ARHGEF28: variants seen among roughly 807,000 people sequenced by gnomAD.
ARHGEF28 encodes the protein 190 kDa guanine nucleotide exchange factor.
ARHGEF28 carries 152 observed loss-of-function variants against 206.6 expected under a neutral mutation model. That is an observed-to-expected ratio of 0.74 (90% CI 0.64 to 0.84). The LOEUF (loss-of-function observed/expected upper bound fraction) is 0.84. Ranked by LOEUF, ARHGEF28 falls within the 40% of genes least tolerant of loss-of-function variation. The pLI, the probability that ARHGEF28 is intolerant of heterozygous loss-of-function variation, is 0.00. For synonymous variants in ARHGEF28, 763 were observed against 776.4 expected (o/e 0.98, Z 0.29); for missense variants, 2,028 against 2,073.2 (o/e 0.98, Z 0.42).
At position 73,893,355 on chromosome 5, in the gene ARHGEF28, T is replaced by A. The variant is rs1761767330; in HGVS notation, c.3658+67T>A. 4.6e-6 allele frequency: 6 copies of A among 1,301,360 alleles called. No homozygotes were observed. The African/African-American group carries it at 6.0e-5, about 13-fold the overall frequency. 80.6% of individuals were successfully genotyped at this position (1,301,360 alleles called of 1,614,324 possible). A position where few individuals can be genotyped will look rare whatever the true frequency, so the allele number is the denominator to read the frequency against. ...CCTGGGTGTTGGGAAAGCCTGAGTG[T>A]CATGAACAGGAGGTTATAACTACAT... On this transcript the variant is annotated intron_variant, in intron 28 of 35. Coordinates refer to ENST00000513042, the MANE Select transcript of ARHGEF28 (RefSeq NM_001177693.2).
In ARHGEF28 at chr5:73,894,520, T is replaced by C; in HGVS notation, c.3786T>C (p.Pro1262=). The C allele has an allele frequency of 6.2e-7, 1 of 1,613,950 alleles. No individual in the cohort carries two copies. The highest frequency in any genetic ancestry group is 8.5e-7 in the Non-Finnish European group (1 of 1,179,872). The part of the protein sequence containing the change: ...VHLEPHLLIK[P]DPGEPPQAAS... ...TAGAGCCCCACCTCCTTATTAAACCTGACCCAGGCGAGCCTCCCCAGGCAG... is the reference window on the plus strand; with the variant it reads ...TAGAGCCCCACCTCCTTATTAAACCCGACCCAGGCGAGCCTCCCCAGGCAG... Residue 1262 remains proline (P), a synonymous_variant, in exon 29 of 36, where the codon CCT becomes CCC. Coordinates refer to ENST00000513042, the MANE Select transcript of ARHGEF28 (RefSeq NM_001177693.2).
intron 9 of ARHGEF28, among the ~76,000 whole-genome samples, chr5:73,831,875 G>T (rs1253826448): frequency 1.3e-5 from 2 of 152,294 alleles, no homozygotes; most frequent in African/African-American, 4.8e-5. Flanking sequence ...ATTTTTAGTA[G>T]AGATGGGGTT....
chr5:73,909,428 A>G lies in ARHGEF28; in HGVS notation c.4178A>G (p.Gln1393Arg), dbSNP rs746757513. The G allele has an allele frequency of 3.7e-6, 6 of 1,607,804 alleles. No individual in the cohort carries two copies. The East Asian group carries it at 8.9e-5, about 24-fold the overall frequency. Residue 1393 changes from glutamine (Q) to arginine (R), a missense_variant, in exon 34 of 36, where the codon CAG becomes CGG. Physicochemically the swap from Gln to Arg is conservative, Grantham distance 43. Transcript: ENST00000513042. ...CTCTGACAGGCCGCCTTGACCATTCAGGACAGCCACATTGAGATCCACAGG... is the reference window on the plus strand; with the variant it reads ...CTCTGACAGGCCGCCTTGACCATTCGGGACAGCCACATTGAGATCCACAGG... ...LYSLQAALTI[Q>R]DSHIEIHRLV...
intron 2 of ARHGEF28, among the ~76,000 whole-genome samples, chr5:73,735,705 A>G (rs1178745399): frequency 6.6e-6 from 1 of 152,150 alleles, no homozygotes; most frequent in African/African-American, 2.4e-5. Flanking sequence ...CCCCTGCTCA[A>G]AACTCTTCCA....
chr5:73,894,615 A>G, intron 29 of ARHGEF28, 40 bp downstream of exon 29: 1 of 1,596,488 alleles, frequency 6.3e-7, no homozygotes. Context: ...ACACGTTCAG[A>G]AAATGTTTAT....
intron 2 of ARHGEF28, among the ~76,000 whole-genome samples, chr5:73,704,743 A>G (rs972164247): frequency 6.6e-6 from 1 of 152,146 alleles, no homozygotes; most frequent in African/African-American, 2.4e-5. Flanking sequence ...TATTTTTTTA[A>G]ATAAAGGCAG....
At chr5:73,909,335 G>A in intron 33 of ARHGEF28, 77 bp from the exon 34 acceptor site, 3 of 1,508,576 alleles carry the variant, frequency 2.0e-6, no homozygotes, top group Admixed American at 4.5e-5. Context: ...TGTGTTTCGA[G>A]GTAGTTCCAA....
intron 1 of ARHGEF28, among the ~76,000 whole-genome samples, chr5:73,641,713 T>C (rs1561303129): frequency 6.6e-6 from 1 of 152,206 alleles, no homozygotes; most frequent in Non-Finnish European, 1.5e-5. Context: ...TAAATGGAGC[T>C]TACGAGGTTT....
chr5:73,795,391 G>C lies in ARHGEF28; in HGVS notation c.1024G>C (p.Asp342His). The change falls in exon 9 of 36, where the codon GAT becomes CAT. Residue 342 changes from aspartate to histidine, a missense_variant and splice_region_variant. Physicochemically the swap from Asp to His is moderately conservative, Grantham distance 81. Transcript: ENST00000513042. ...TGAAGACCAGCACAGCCTAGATTTGGGTATGAAATAACGCTTTTACCTATA... is the reference window on the plus strand; with the variant it reads ...TGAAGACCAGCACAGCCTAGATTTGCGTATGAAATAACGCTTTTACCTATA... The part of the protein sequence containing the change: ...EHEDQHSLDL[D>H]RSFDILKKSK... The C allele has an allele frequency of 1.9e-6, 3 of 1,613,054 alleles. No individual in the cohort carries two copies. Among genetic ancestry groups the C allele is most frequent in the Non-Finnish European group, 2.5e-6 (3 of 1,179,238 alleles).
At chr5:73,932,582 A>C (rs1211018005) in intron 35 of ARHGEF28, among the ~76,000 whole-genome samples, 1 of 152,218 alleles carries the variant, frequency 6.6e-6, no homozygotes, top group Non-Finnish European at 1.5e-5. Flanking sequence ...TTTGCTAAGA[A>C]GACAAGGATT....
chr5:73,841,454 C>T (rs1046751649), intron 11 of ARHGEF28, among the ~76,000 whole-genome samples: 2 of 151,980 alleles, frequency 1.3e-5, no homozygotes, highest in African/African-American at 4.8e-5. Context: ...GCCTGTAATT[C>T]CAGCACTTTG....
At chr5:73,707,917 A>G (rs1749030207) in intron 2 of ARHGEF28, among the ~76,000 whole-genome samples, 1 of 152,094 alleles carries the variant, frequency 6.6e-6, no homozygotes, top group Non-Finnish European at 1.5e-5. Flanking sequence ...GATTTTTTTT[A>G]TTCCAGTCTA....
chr5:73,834,077 T>C (rs1291301546), intron 10 of ARHGEF28, among the ~76,000 whole-genome samples: 1 of 152,136 alleles, frequency 6.6e-6, no homozygotes, highest in Admixed American at 6.5e-5. Context: ...AATGAACAAA[T>C]AGAAATTATA....
intron 11 of ARHGEF28, among the ~76,000 whole-genome samples, chr5:73,844,080 G>A (rs547677288): frequency 6.6e-6 from 1 of 152,110 alleles, no homozygotes; most frequent in Non-Finnish European, 1.5e-5. Flanking sequence ...AGAACCTAGA[G>A]GTTATCCTGA....
intron 22 of ARHGEF28, among the ~76,000 whole-genome samples, chr5:73,874,973 A>G (rs1178441344): frequency 1.3e-5 from 2 of 152,074 alleles, no homozygotes; most frequent in Non-Finnish European, 1.5e-5. Context: ...TTGTAGTTCT[A>G]GATCCCTGAG....
At chr5:73,856,300 G>A (rs1163720372) in intron 14 of ARHGEF28, among the ~76,000 whole-genome samples, 7 of 152,166 alleles carry the variant, frequency 4.6e-5, no homozygotes, top group South Asian at 2.1e-4. Flanking sequence ...TACTCTGTTG[G>A]CATAGGGTAT....
At chr5:73,874,335 T>C (rs1321159909) in intron 22 of ARHGEF28, among the ~76,000 whole-genome samples, 1 of 152,194 alleles carries the variant, frequency 6.6e-6, no homozygotes, top group Non-Finnish European at 1.5e-5. Context: ...TCTCATTTTC[T>C]AATTTTGATG....
At chr5:73,847,314 C>A (rs980264846) in intron 12 of ARHGEF28, among the ~76,000 whole-genome samples, 2 of 152,128 alleles carry the variant, frequency 1.3e-5, no homozygotes, top group Non-Finnish European at 1.5e-5. Context: ...CATAACTCAC[C>A]TATTACATAA....
intron 9 of ARHGEF28, chr5:73,813,498 C>A: frequency 6.6e-7 from 1 of 1,514,938 alleles, no homozygotes; most frequent in Non-Finnish European, 8.8e-7. Flanking sequence ...CCCTTTACAT[C>A]ACATGGGGAG....
Sources: gnomAD v4.1 joint callset for allele counts (sites outside exome capture counted in the v4.1 genomes callset) on GRCh38, gnomAD v4.1.1 for gene constraint, MANE v1.5 for transcripts, NCBI Gene and HGNC (gene_info 2026-07-23, HGNC 2026-07-21) for gene names.